GFOD2: variants seen among roughly 807,000 people sequenced by gnomAD.
GFOD2 encodes glucose-fructose oxidoreductase domain-containing protein 2.
A neutral mutation model predicts 24.6 loss-of-function variants in GFOD2; 9 were observed. The observed-to-expected ratio is 0.37, with a 90% CI of 0.22 to 0.64. The LOEUF (loss-of-function observed/expected upper bound fraction) is 0.64, where lower values mean the gene tolerates loss of function less well. Ranked by LOEUF, GFOD2 falls within the 30% of genes least tolerant of loss-of-function variation. The pLI is 0.65. For missense variants in GFOD2, 476 were observed against 532.5 expected (o/e 0.89, Z 1.04); for synonymous variants, 211 against 224.8 (o/e 0.94, Z 0.55).
At chr16:67,703,222 G>A (rs1212062517) in intron 1 of GFOD2, among the ~76,000 whole-genome samples, 1 of 152,082 alleles carries the variant, frequency 6.6e-6, no homozygotes, top group Non-Finnish European at 1.5e-5. Context: ...TGACCAACAT[G>A]GTGAAACCCC....
intron 1 of GFOD2, among the ~76,000 whole-genome samples, chr16:67,687,496 C>A (rs2053276239): frequency 6.6e-6 from 1 of 151,550 alleles, no homozygotes; most frequent in South Asian, 2.1e-4. Context: ...AAAAAATTAG[C>A]CAGTTGTGGT....
intron 2 of GFOD2, chr16:67,685,131 T>C (rs964529093): frequency 4.2e-5 from 56 of 1,338,058 alleles, no homozygotes; most frequent in Admixed American, 9.5e-5. Flanking sequence ...TCACAACCAA[T>C]TCCCCGCCAC....
intron 1 of GFOD2, among the ~76,000 whole-genome samples, chr16:67,690,135 T>C (rs1217105312): frequency 6.6e-6 from 1 of 152,192 alleles, no homozygotes; most frequent in Non-Finnish European, 1.5e-5. Context: ...GATATGAACA[T>C]GGTGTACAAA....
rs751585226 is a variant in GFOD2 at position 67,675,413 on chromosome 16, C to T, written c.900G>A (p.Pro300=). ...AGACCATGCCCTTCAGGTACAGCAG[C>T]GGGACATCCTGGGGCCCCTGCTCAG... ...GLPEQGPQDV[P]LLYLKGMVYM... Residue 300 remains proline (P), a synonymous_variant, in exon 3 of 3, where the codon CCG becomes CCA. Transcript: ENST00000268797. 6.8e-6 allele frequency: 11 copies of T among 1,613,072 alleles called. No individual in the cohort carries two copies. Among genetic ancestry groups the T allele is most frequent in the South Asian group, 1.1e-5 (1 of 91,078 alleles).
At chr16:67,687,808 TAAA>T (rs11302700) in intron 1 of GFOD2, among the ~76,000 whole-genome samples, 22 of 121,416 alleles carry the variant, frequency 1.8e-4, no homozygotes, top group Admixed American at 2.5e-4. Context: ...CCATCTTTAC[TAAA>T]AAAAAAAAAA....
In GFOD2 at chr16:67,674,978, C is replaced by G; in HGVS notation, c.*177G>C. The G allele has an allele frequency of 2.9e-6, 2 of 693,846 alleles. No individual in the cohort carries two copies. Among genetic ancestry groups the G allele is most frequent in the Non-Finnish European group, 4.8e-6 (2 of 416,538 alleles). 43.0% of individuals were successfully genotyped at this position (693,846 alleles called of 1,614,324 possible). On this transcript the variant is annotated 3_prime_UTR_variant, in exon 3 of 3. Transcript: ENST00000268797. ...GGCAACAGGAACATTTGCCACCCTG[C>G]AAGTCTGAGGAGCAGATGAGCCACT...
intron 1 of GFOD2, among the ~76,000 whole-genome samples, chr16:67,707,631 T>C (rs2053448048): frequency 6.6e-6 from 1 of 152,042 alleles, no homozygotes; most frequent in South Asian, 2.1e-4. Flanking sequence ...AATGTTCACA[T>C]CATAAATTAT....
At chr16:67,695,027 C>T (rs1162633072) in intron 1 of GFOD2, among the ~76,000 whole-genome samples, 1 of 134,468 alleles carries the variant, frequency 7.4e-6, no homozygotes, top group Non-Finnish European at 1.6e-5. Flanking sequence ...GAGTCTCACT[C>T]TGTCGCCTAG....
chr16:67,696,599 G>A (rs1156556117), intron 1 of GFOD2, among the ~76,000 whole-genome samples: 7 of 151,168 alleles, frequency 4.6e-5, no homozygotes, highest in Non-Finnish European at 8.8e-5. Context: ...TCAGCCTCCC[G>A]AGTAGCTGGG....
chr16:67,715,483 A>AGC (rs1277463460), intron 1 of GFOD2, among the ~76,000 whole-genome samples: 1 of 152,218 alleles, frequency 6.6e-6, no homozygotes, highest in African/African-American at 2.4e-5. Flanking sequence ...AGGAGGTGTT[A>AGC]GAGTGTAGGG....
At chr16:67,705,847 C>T (rs2053435131) in intron 1 of GFOD2, among the ~76,000 whole-genome samples, 1 of 150,274 alleles carries the variant, frequency 6.7e-6, no homozygotes, top group African/African-American at 2.4e-5. Context: ...GGCTGAGGCA[C>T]GAGAATCACT....
intron 1 of GFOD2, among the ~76,000 whole-genome samples, chr16:67,691,692 C>G (rs1403142619): frequency 1.3e-5 from 2 of 152,074 alleles, no homozygotes; most frequent in African/African-American, 4.8e-5. Context: ...TATATACTTG[C>G]AATAGGAACT....
At chr16:67,682,297 A>G in intron 2 of GFOD2, 1 of 954,886 alleles carries the variant, frequency 1.0e-6, no homozygotes, top group Non-Finnish European at 1.2e-6. Context: ...CGGCCTCCCA[A>G]AGTGCTGGGA....
At chr16:67,689,716 T>C (rs1341112393) in intron 1 of GFOD2, among the ~76,000 whole-genome samples, 1 of 152,044 alleles carries the variant, frequency 6.6e-6, no homozygotes, top group African/African-American at 2.4e-5. Flanking sequence ...TACATTTACA[T>C]TGTTGTGTAA....
intron 1 of GFOD2, 78 bp downstream of exon 1, chr16:67,719,085 G>C (rs1237966337): frequency 1.3e-5 from 2 of 152,296 alleles, no homozygotes; most frequent in African/African-American, 4.8e-5. Flanking sequence ...GGGCCGCGGA[G>C]AAGGCCCTGT....
chr16:67,685,159 A>G (rs1333053499), intron 2 of GFOD2: 3 of 1,379,932 alleles, frequency 2.2e-6, no homozygotes, highest in East Asian at 2.7e-5. Context: ...TCTGACCTCT[A>G]ACTTCACAGA....
chr16:67,703,814 A>G (rs750529655), intron 1 of GFOD2, among the ~76,000 whole-genome samples: 17 of 152,168 alleles, frequency 1.1e-4, no homozygotes, highest in Non-Finnish European at 1.9e-4. Context: ...ACAGGCAGGA[A>G]AGACTTCCTG....
intron 1 of GFOD2, among the ~76,000 whole-genome samples, chr16:67,702,106 T>C (rs1364870345): frequency 6.6e-6 from 1 of 152,212 alleles, no homozygotes; most frequent in Non-Finnish European, 1.5e-5. Flanking sequence ...TTTGTTTACC[T>C]ACTCCTTTAT....
Position 67,686,054 on chromosome 16 carries a change from C to T in GFOD2, c.-87-252G>A, listed in dbSNP as rs562544497. Among the ~76,000 whole-genome samples the T allele has an allele frequency of 5.9e-4, 90 of 152,204 alleles. 1 individual carries two copies. The highest frequency in any genetic ancestry group is 1.0e-3 in the Admixed American group (16 of 15,290). On this transcript the variant is annotated intron_variant, in intron 1 of 2. Coordinates refer to ENST00000268797, the MANE Select transcript of GFOD2 (RefSeq NM_030819.4). ...TCAGGAGGCCGAGGTGGGAAGATCACTTGAGGCCAGGAGTTTGAGAGTAGC... is the reference window on the plus strand; with the variant it reads ...TCAGGAGGCCGAGGTGGGAAGATCATTTGAGGCCAGGAGTTTGAGAGTAGC...
Sources: allele counts gnomAD v4.1 joint callset (sites outside exome capture counted in the v4.1 genomes callset), GRCh38; gene constraint gnomAD v4.1.1; transcripts MANE v1.5; gene names NCBI Gene and HGNC (gene_info 2026-07-23, HGNC 2026-07-21).